SCAMP1: variants seen among roughly 807,000 people sequenced by gnomAD.
The protein encoded by SCAMP1 is secretory carrier-associated membrane protein 1.
A neutral mutation model predicts 41.8 loss-of-function variants in SCAMP1; 15 were observed. The observed-to-expected ratio is 0.36, with a 90% CI of 0.24 to 0.55. SCAMP1 has a LOEUF of 0.55. Among genes scored for constraint, SCAMP1 ranks in the 20% least tolerant of loss-of-function variants. The pLI is 0.86. For missense variants in SCAMP1, 341 were observed against 412.6 expected (o/e 0.83, Z 1.50); for synonymous variants, 135 against 136.8 (o/e 0.99, Z 0.09).
At chr5:78,394,893 T>C (rs996081731) in intron 2 of SCAMP1, among the ~76,000 whole-genome samples, 2 of 152,242 alleles carry the variant, frequency 1.3e-5, no homozygotes, top group East Asian at 1.9e-4. Flanking sequence ...CTGTCACTTA[T>C]ACCTGCTGGA....
At chr5:78,453,497 G>C (rs1396577203) in intron 7 of SCAMP1, among the ~76,000 whole-genome samples, 3 of 152,020 alleles carry the variant, frequency 2.0e-5, no homozygotes, top group Non-Finnish European at 4.4e-5. Flanking sequence ...GATAGTTGTA[G>C]ATGTGTGGCG....
chr5:78,457,070 C>T (rs1242750428), intron 7 of SCAMP1, among the ~76,000 whole-genome samples: 5 of 118,740 alleles, frequency 4.2e-5, no homozygotes, highest in Non-Finnish European at 8.5e-5. Context: ...ATTGGTTATT[C>T]TAGTTATGCA....
chr5:78,394,799 C>G (rs1440375705), intron 2 of SCAMP1, among the ~76,000 whole-genome samples: 1 of 152,182 alleles, frequency 6.6e-6, no homozygotes, highest in Admixed American at 6.5e-5. Flanking sequence ...TGTTGACTTA[C>G]ATCCTAGTAT....
intron 6 of SCAMP1, among the ~76,000 whole-genome samples, chr5:78,435,021 T>G (rs1729441095): frequency 6.6e-6 from 1 of 152,210 alleles, no homozygotes; most frequent in South Asian, 2.1e-4. Flanking sequence ...CAACAGTAGG[T>G]ATGTCAGAAA....
intron 1 of SCAMP1, among the ~76,000 whole-genome samples, chr5:78,372,534 T>G (rs1414045103): frequency 1.3e-5 from 2 of 150,036 alleles, no homozygotes; most frequent in Non-Finnish European, 3.0e-5. Flanking sequence ...CCTTAAAAAC[T>G]AATAGCTCAG....
At chr5:78,436,213 A>C (rs139287302) in intron 6 of SCAMP1, among the ~76,000 whole-genome samples, 7,543 of 152,208 alleles carry the variant, frequency 0.05, 398 homozygotes, top group East Asian at 0.3. Flanking sequence ...GCCATGCAGA[A>C]GCTCTTTAGT....
chr5:78,458,209 CCG>C (rs1219792178), intron 7 of SCAMP1, among the ~76,000 whole-genome samples: 1 of 152,150 alleles, frequency 6.6e-6, no homozygotes, highest in African/African-American at 2.4e-5. Context: ...TGGCTCCTCT[CCG>C]CATGTTTAGT....
chr5:78,433,920 C>T (rs968062101), intron 6 of SCAMP1, among the ~76,000 whole-genome samples: 9 of 152,204 alleles, frequency 5.9e-5, no homozygotes, highest in Admixed American at 3.3e-4. Context: ...CCTGTCCCAC[C>T]TCCAGGGTTA....
Position 78,456,502 on chromosome 5 carries a change from G to C in SCAMP1, c.735-2743G>C, listed in dbSNP as rs1753406283. Among the ~76,000 whole-genome samples, 4 of 151,752 alleles carry C rather than the reference G, an allele frequency of 2.6e-5. No homozygotes were observed. The South Asian group carries it at 8.3e-4, about 32-fold the overall frequency. Reference sequence around the variant, plus strand: ...GAAAATTCTTTTCTTTAAGAATGTTGAATATTGGCCCCCACTCTCTTCTGG... The same window carrying C: ...GAAAATTCTTTTCTTTAAGAATGTTCAATATTGGCCCCCACTCTCTTCTGG... On this transcript the variant is annotated intron_variant, in intron 7 of 8. Coordinates refer to ENST00000621999, the MANE Select transcript of SCAMP1 (RefSeq NM_004866.6).
At chr5:78,360,873 G>T (rs1392117186) in intron 1 of SCAMP1, 145 bp downstream of exon 1, 2 of 762,366 alleles carry the variant, frequency 2.6e-6, no homozygotes, top group South Asian at 1.7e-5. Flanking sequence ...CTCCATTTGG[G>T]GTCGCGCCCC....
chr5:78,437,585 C>G (rs1752792209), intron 6 of SCAMP1, among the ~76,000 whole-genome samples: 2 of 152,152 alleles, frequency 1.3e-5, no homozygotes, highest in South Asian at 2.1e-4. Flanking sequence ...GGTGGATAAG[C>G]TTTTTGATGT....
intron 8 of SCAMP1, among the ~76,000 whole-genome samples, chr5:78,469,083 A>G (rs1014272772): frequency 1.3e-5 from 2 of 152,124 alleles, no homozygotes; most frequent in Non-Finnish European, 2.9e-5. Context: ...GAAAAAAATC[A>G]CATATTATAA....
At chr5:78,408,792 G>T (rs973630530) in intron 2 of SCAMP1, among the ~76,000 whole-genome samples, 1 of 150,274 alleles carries the variant, frequency 6.7e-6, no homozygotes, top group Non-Finnish European at 1.5e-5. Flanking sequence ...TAGAGCTGAG[G>T]TCTCACTATA....
chr5:78,414,676 A>G (rs979447480), intron 2 of SCAMP1, among the ~76,000 whole-genome samples: 2 of 152,148 alleles, frequency 1.3e-5, no homozygotes, highest in Non-Finnish European at 2.9e-5. Context: ...AATTTAACCA[A>G]TCCCCCATTG....
At chr5:78,420,879 GT>G (rs1194782318) in intron 5 of SCAMP1, among the ~76,000 whole-genome samples, 1 of 152,040 alleles carries the variant, frequency 6.6e-6, no homozygotes, top group African/African-American at 2.4e-5. Context: ...GATCCAATAG[GT>G]TTTCCCAGTT....
chr5:78,446,018 G>A (rs1753043611), intron 6 of SCAMP1, among the ~76,000 whole-genome samples: 1 of 152,126 alleles, frequency 6.6e-6, no homozygotes, highest in South Asian at 2.1e-4. Context: ...AGAAAAGTTG[G>A]TAAAATGAAA....
chr5:78,452,466 A>T (rs988010004), intron 7 of SCAMP1, among the ~76,000 whole-genome samples: 2 of 126,636 alleles, frequency 1.6e-5, no homozygotes, highest in Non-Finnish European at 3.3e-5. Context: ...GCGATAGTTT[A>T]CTGAGAATGA....
chr5:78,364,171 T>C lies in SCAMP1; in HGVS notation c.57+3443T>C, dbSNP rs544391756. ...TAGTCTAACAGTGAGACAAATATGC[T>C]TGGAAAATGAATGAAAGGGGAGAGT... On this transcript the variant is annotated intron_variant, in intron 1 of 8. Transcript: ENST00000621999. 5.9e-5 allele frequency among the ~76,000 whole-genome samples: 9 copies of C among 152,290 alleles called. No individual in the cohort carries two copies. In the South Asian group the frequency reaches 1.7e-3, roughly 28 times the overall value.
intron 1 of SCAMP1, among the ~76,000 whole-genome samples, chr5:78,376,442 CT>C (rs1751067242): frequency 6.6e-6 from 1 of 152,142 alleles, no homozygotes; most frequent in Admixed American, 6.5e-5. Flanking sequence ...CAGTAGATGG[CT>C]TTTGCACACT....
Sources: gnomAD v4.1 joint callset for allele counts (sites outside exome capture counted in the v4.1 genomes callset) on GRCh38, gnomAD v4.1.1 for gene constraint, MANE v1.5 for transcripts, NCBI Gene and HGNC (gene_info 2026-07-23, HGNC 2026-07-21) for gene names.